Variants in SLC25A48 observed in about 807,000 individuals in gnomAD.
SLC25A48 encodes the protein solute carrier family 25 member 48, also known as CTC-321K16.1.
In SLC25A48, 29 loss-of-function variants were observed where a neutral mutation model predicts 32.2. The ratio of observed to expected loss-of-function variants is 0.90; its 90% CI spans 0.67 to 1.23. The LOEUF (loss-of-function observed/expected upper bound fraction) is 1.23, where lower values mean the gene tolerates loss of function less well. Among genes scored for constraint, SLC25A48 ranks in the 50% most tolerant of loss-of-function variants. SLC25A48 has a pLI of 0.00. For synonymous variants in SLC25A48, 164 were observed against 172.3 expected, an observed-to-expected ratio of 0.95 and a Z score of 0.38; for missense variants, 399 against 422.7, an observed-to-expected ratio of 0.94 and a Z score of 0.49.
At chr5:135,671,860 C>T (rs116530117) in intron 3 of SLC25A48, 3 of 150,672 alleles carry the variant, frequency 2.0e-5, no homozygotes, top group Non-Finnish European at 4.4e-5. Context: ...TCCCTCTACT[C>T]CCCCACCCCC....
At chr5:135,872,137 C>A in intron 5 of SLC25A48, 1 of 536,876 alleles carries the variant, frequency 1.9e-6, no homozygotes, top group Non-Finnish European at 2.8e-6. Context: ...GTAGCCAATC[C>A]CAGGTCATAC....
chr5:135,582,179 G>A (rs1173504730), intron 1 of SLC25A48, among the ~76,000 whole-genome samples: 1 of 152,164 alleles, frequency 6.6e-6, no homozygotes, highest in Non-Finnish European at 1.5e-5. Flanking sequence ...TGAGGGAGTG[G>A]AAATTTTGCT....
chr5:135,657,726 A>T (rs1350638314), intron 3 of SLC25A48, among the ~76,000 whole-genome samples: 1 of 152,190 alleles, frequency 6.6e-6, no homozygotes, highest in African/African-American at 2.4e-5. Context: ...TGTCAGCAGC[A>T]CTTGCCAGCC....
At chr5:135,767,431 G>A (rs13172962) in intron 3 of SLC25A48, among the ~76,000 whole-genome samples, 46,750 of 151,736 alleles carry the variant, frequency 0.31, 7,400 homozygotes, top group East Asian at 0.46. Context: ...ATAATATCCT[G>A]GGAAAAAAGG....
intron 3 of SLC25A48, among the ~76,000 whole-genome samples, chr5:135,762,469 C>A (rs1035752288): frequency 6.6e-6 from 1 of 152,060 alleles, no homozygotes; most frequent in African/African-American, 2.4e-5. Context: ...TTACTAATTC[C>A]AAATATTGAT....
In SLC25A48 at chr5:135,785,526, C is replaced by G. The variant is rs1236849831; in HGVS notation, c.-520-26997C>G. On this transcript the variant is annotated intron_variant, in intron 3 of 10. Coordinates refer to the SLC25A48 transcript ENST00000646290. ...TCACCATGGGGCAGGGTGTGGAACA[C>G]CCCCTTGCCCCATGGATCGTAATAT... 6.1e-5 allele frequency among the ~76,000 whole-genome samples: 9 copies of G among 147,384 alleles called. No individual in the cohort carries two copies. The South Asian group carries it at 2.0e-3, about 32-fold the overall frequency.
Position 135,710,284 on chromosome 5 carries a change from T to C in SLC25A48, c.-521+75328T>C, listed in dbSNP as rs36114628. On this transcript the variant is annotated intron_variant, in intron 3 of 10. Transcript: ENST00000646290. ...TAGCTGATGCAGGAAATGGGAATTA[T>C]AGCCTCAATTACTGTCATTGGGAAC... 9.2e-3 allele frequency among the ~76,000 whole-genome samples: 1,402 copies of C among 152,368 alleles called. 9 individuals carry two copies. Among genetic ancestry groups the C allele is most frequent in the Non-Finnish European group, 0.013 (912 of 68,038 alleles).
At chr5:135,611,707 G>A (rs1752076874) in intron 1 of SLC25A48, among the ~76,000 whole-genome samples, 1 of 151,992 alleles carries the variant, frequency 6.6e-6, no homozygotes, top group South Asian at 2.1e-4. Context: ...GTGAGACTCT[G>A]TCTCAAAAAG....
intron 3 of SLC25A48, chr5:135,653,990 C>T (rs758477642): frequency 8.9e-6 from 4 of 451,816 alleles, no homozygotes; most frequent in Non-Finnish European, 1.3e-5. Flanking sequence ...AACCTGGGAC[C>T]TGCCATATAG....
intron 3 of SLC25A48, among the ~76,000 whole-genome samples, chr5:135,774,275 A>G (rs894366463): frequency 1.3e-5 from 2 of 151,478 alleles, no homozygotes; most frequent in Non-Finnish European, 3.0e-5. Flanking sequence ...ATAACGCCAG[A>G]GGTGTACACC....
intron 1 of SLC25A48, among the ~76,000 whole-genome samples, chr5:135,622,790 A>G (rs1446525113): frequency 1.3e-5 from 2 of 152,256 alleles, no homozygotes; most frequent in Non-Finnish European, 2.9e-5. Context: ...TTAAAAGATA[A>G]TAAAACAGAT....
intron 3 of SLC25A48, among the ~76,000 whole-genome samples, chr5:135,697,767 G>C (rs906318933): frequency 1.3e-5 from 2 of 152,222 alleles, no homozygotes; most frequent in Non-Finnish European, 2.9e-5. Flanking sequence ...AAAGAGAGCT[G>C]TTCCTGGTGT....
At chr5:135,645,965 G>T (rs1229761452) in intron 3 of SLC25A48, among the ~76,000 whole-genome samples, 33 of 152,172 alleles carry the variant, frequency 2.2e-4, no homozygotes, top group Non-Finnish European at 1.5e-5. Flanking sequence ...GCATGACCAG[G>T]CAATAAGATG....
intron 3 of SLC25A48, among the ~76,000 whole-genome samples, chr5:135,713,744 C>T (rs965059491): frequency 1.3e-5 from 2 of 152,164 alleles, no homozygotes; most frequent in Non-Finnish European, 2.9e-5. Flanking sequence ...AATTCTACAA[C>T]GAGGTTTGAA....
chr5:135,810,188 A>T (rs1442070187), intron 3 of SLC25A48, among the ~76,000 whole-genome samples: 2 of 152,174 alleles, frequency 1.3e-5, no homozygotes, highest in Non-Finnish European at 2.9e-5. Context: ...GAAAGAGAAC[A>T]ACTCACTTTG....
chr5:135,676,107 C>G (rs1179929393), intron 3 of SLC25A48, among the ~76,000 whole-genome samples: 1 of 151,726 alleles, frequency 6.6e-6, no homozygotes, highest in South Asian at 2.1e-4. Context: ...TTGGTGGACT[C>G]TTTAGGTATT....
At chr5:135,706,759 A>G (rs1754520983) in intron 3 of SLC25A48, among the ~76,000 whole-genome samples, 1 of 152,182 alleles carries the variant, frequency 6.6e-6, no homozygotes, top group Non-Finnish European at 1.5e-5. Context: ...ACTGATGTGC[A>G]GACAGGTCTC....
intron 3 of SLC25A48, among the ~76,000 whole-genome samples, chr5:135,668,191 T>C (rs1753567961): frequency 6.6e-6 from 1 of 152,198 alleles, no homozygotes; most frequent in Admixed American, 6.5e-5. Context: ...TAATAAATAT[T>C]GGCACTAACA....
chr5:135,863,628 G>A (rs1045532974), intron 4 of SLC25A48, among the ~76,000 whole-genome samples: 6 of 152,144 alleles, frequency 3.9e-5, no homozygotes, highest in Non-Finnish European at 8.8e-5. Flanking sequence ...TATCATCACA[G>A]CAACCCTATG....
Sources: allele counts gnomAD v4.1 joint callset (sites outside exome capture counted in the v4.1 genomes callset), GRCh38; gene constraint gnomAD v4.1.1; transcripts MANE v1.5; gene names NCBI Gene and HGNC (gene_info 2026-07-23, HGNC 2026-07-21).